The following EXD3 variants were observed in gnomAD, a reference collection of about 807,000 sequenced individuals.
The protein encoded by EXD3 is exonuclease 3'-5' domain containing 3.
In EXD3, 92 loss-of-function variants were observed where a neutral mutation model predicts 98.0. The ratio of observed to expected loss-of-function variants is 0.94; its 90% CI spans 0.79 to 1.12. The LOEUF (loss-of-function observed/expected upper bound fraction) is 1.12. Among genes scored for constraint, EXD3 ranks in the 50% most tolerant of loss-of-function variants. The pLI, the probability that EXD3 is intolerant of heterozygous loss-of-function variation, is 0.00. For missense variants in EXD3, 1,222 were observed against 1,191.6 expected (o/e 1.03, Z -0.38); for synonymous variants, 569 against 526.0 (o/e 1.08, Z -1.12).
rs547372759 is a variant in EXD3, at chr9:137,380,878, T to C, written c.120+2435A>G. On this transcript the variant is annotated intron_variant, in intron 3 of 21. Coordinates refer to ENST00000340951, the MANE Select transcript of EXD3 (RefSeq NM_017820.5). ...ATCTTGGGAAGCCGAGGCAGGTGGATTGCTTGAGGTCAGGAGTTCAAGACC... is the reference window on the plus strand; with the variant it reads ...ATCTTGGGAAGCCGAGGCAGGTGGACTGCTTGAGGTCAGGAGTTCAAGACC... 2.1e-3 allele frequency among the ~76,000 whole-genome samples: 314 copies of C among 149,910 alleles called. 3 individuals are homozygous for C. The highest frequency in any genetic ancestry group is 7.2e-3 in the African/African-American group (294 of 40,596).
intron 8 of EXD3, 79 bp from the exon 9 acceptor site, chr9:137,354,852 G>T: frequency 7.1e-7 from 1 of 1,399,642 alleles, no homozygotes; most frequent in South Asian, 1.3e-5. Flanking sequence ...GCTGGAGACG[G>T]GCAGAGGGGC....
intron 1 of EXD3, among the ~76,000 whole-genome samples, chr9:137,417,606 G>A (rs909792408): frequency 6.6e-6 from 1 of 152,176 alleles, no homozygotes; most frequent in African/African-American, 2.4e-5. Flanking sequence ...TACCCCAGCC[G>A]CGCTGCGCGT....
At chr9:137,333,746 A>G (rs1833216262) in intron 17 of EXD3, among the ~76,000 whole-genome samples, 1 of 152,162 alleles carries the variant, frequency 6.6e-6, no homozygotes, top group African/African-American at 2.4e-5. Context: ...AGCAGATGCC[A>G]GTGATACGGT....
At chr9:137,382,149 C>A (rs1346378379) in intron 3 of EXD3, among the ~76,000 whole-genome samples, 1 of 66,990 alleles carries the variant, frequency 1.5e-5, no homozygotes, top group Non-Finnish European at 2.9e-5. Context: ...GGTGAGGGCG[C>A]GGGGAGGAGG....
chr9:137,382,849 G>T (rs1429196173), intron 3 of EXD3, among the ~76,000 whole-genome samples: 2 of 152,184 alleles, frequency 1.3e-5, no homozygotes, highest in African/African-American at 4.8e-5. Context: ...CCCCACAGGG[G>T]GCCGGCCCTC....
chr9:137,398,790 CCG>C (rs1837344201), intron 1 of EXD3, among the ~76,000 whole-genome samples: 1 of 144,398 alleles, frequency 6.9e-6, no homozygotes, highest in African/African-American at 2.6e-5. Context: ...ACACAGGCAC[CCG>C]CGTCCCCGTG....
chr9:137,342,522 A>G (rs1833699817), intron 17 of EXD3, among the ~76,000 whole-genome samples: 1 of 152,142 alleles, frequency 6.6e-6, no homozygotes. Context: ...TTAGGGACTC[A>G]TTGCCTGAGG....
intron 3 of EXD3, chr9:137,374,938 C>G (rs995760668): frequency 1.2e-6 from 1 of 828,072 alleles, no homozygotes; most frequent in Non-Finnish European, 1.5e-6. Flanking sequence ...CTAGTGAGTT[C>G]TAGCCCTAAT....
chr9:137,348,319 T>C, intron 16 of EXD3, 81 bp from the exon 17 acceptor site: 1 of 1,423,012 alleles, frequency 7.0e-7, no homozygotes, highest in Non-Finnish European at 9.5e-7. Context: ...CCTGAGGCTG[T>C]GTGGCCAGCA....
chr9:137,308,434 G>A (rs900588493), intron 20 of EXD3, among the ~76,000 whole-genome samples: 2 of 151,962 alleles, frequency 1.3e-5, no homozygotes, highest in Non-Finnish European at 2.9e-5. Context: ...TGTCACACTC[G>A]TCAGCCCATC....
rs559805640 is a variant in EXD3, at chr9:137,405,317, C to A, written c.-47-9913G>T. ...CCAGAGCAGGGGCCAGAGCCCCAAC[C>A]CCCGCTGCTTCCCCAACTGCTCCCT... On this transcript the variant is annotated intron_variant, in intron 1 of 21. Transcript: ENST00000340951. The surrounding 1 kb of genome is among the most constrained non-coding windows in gnomAD (Gnocchi z 4.1). Among the ~76,000 whole-genome samples, 9 of 152,354 alleles carry A rather than the reference C, an allele frequency of 5.9e-5. No individual in the cohort carries two copies. The highest frequency in any genetic ancestry group is 2.2e-4 in the African/African-American group (9 of 41,594).
rs769746906 is a variant in EXD3 at position 137,351,019 on chromosome 9, C to T, written c.1494+19G>A. 22 of 1,547,018 alleles carry T rather than the reference C, an allele frequency of 1.4e-5. No individual in the cohort carries two copies. The East Asian group carries it at 1.7e-4, about 12-fold the overall frequency. ...CCAGGCCCACCCGGCATCTTGTGAG[C>T]GGCTCAGTGGGTGCCCACCTGTCTG... is the stretch of plus-strand genomic sequence containing the variant. On this transcript the variant is annotated intron_variant, in intron 14 of 21. Coordinates refer to ENST00000340951, the MANE Select transcript of EXD3 (RefSeq NM_017820.5).
chr9:137,355,589 AAAGGGCGGAAGGAGAAAGGAGG>A (rs1564508677), intron 8 of EXD3, among the ~76,000 whole-genome samples: 184 of 2,008 alleles, frequency 0.092, 8 homozygotes, highest in Admixed American at 0.26. Flanking sequence ...GAGGAAGGAG[AAAGGGCGGAAGGAGAAAGGAGG>A]AAGGAGGAAG....
At chr9:137,362,073 T>A (rs1248799290) in intron 7 of EXD3, among the ~76,000 whole-genome samples, 1 of 151,990 alleles carries the variant, frequency 6.6e-6, no homozygotes, top group East Asian at 1.9e-4. Flanking sequence ...TTAAGGAAAA[T>A]GGTTTTCGGT....
intron 17 of EXD3, among the ~76,000 whole-genome samples, chr9:137,345,203 G>A (rs965986517): frequency 6.6e-6 from 1 of 152,246 alleles, no homozygotes; most frequent in African/African-American, 2.4e-5. Context: ...CACATCCTCT[G>A]GGCTCTCGCC....
At chr9:137,354,011 G>C in intron 10 of EXD3, 1 of 1,153,424 alleles carries the variant, frequency 8.7e-7, no homozygotes. Flanking sequence ...GCCTCGCCCA[G>C]GCGCCTTGCA....
In EXD3 at chr9:137,371,704, C is replaced by T. The variant is rs922023454; in HGVS notation, c.462+1201G>A. Among the ~76,000 whole-genome samples the T allele has an allele frequency of 5.9e-5, 9 of 151,578 alleles. No homozygotes were observed. Among genetic ancestry groups the T allele is most frequent in the African/African-American group, 1.9e-4 (8 of 41,278 alleles). ...GGCCAGGCACCCCCGGGGCTGGGCACCCCCAGGCAGGACACCCCTGGGCCA... is the reference window on the plus strand; with the variant it reads ...GGCCAGGCACCCCCGGGGCTGGGCATCCCCAGGCAGGACACCCCTGGGCCA... On this transcript the variant is annotated intron_variant, in intron 5 of 21. Coordinates refer to ENST00000340951, the MANE Select transcript of EXD3 (RefSeq NM_017820.5). The surrounding 1 kb of genome is among the most constrained non-coding windows in gnomAD (Gnocchi z 8.0).
chr9:137,378,465 C>G (rs1836029337), intron 3 of EXD3, among the ~76,000 whole-genome samples: 1 of 152,220 alleles, frequency 6.6e-6, no homozygotes, highest in Non-Finnish European at 1.5e-5. Context: ...ATCACCTCAG[C>G]CTCCTAAAGT....
chr9:137,398,570 TCCCCAAGACACACAGGCAACCGC>T (rs1239276111), intron 1 of EXD3, among the ~76,000 whole-genome samples: 1 of 147,800 alleles, frequency 6.8e-6, no homozygotes, highest in African/African-American at 2.5e-5. Context: ...GGCAACCGCG[TCCCCAAGACACACAGGCAACCGC>T]GTCCCCAAGA....
Sources: allele counts gnomAD v4.1 joint callset (sites outside exome capture counted in the v4.1 genomes callset), GRCh38; gene constraint gnomAD v4.1.1; non-coding constraint Gnocchi (gnomAD v3.1); transcripts MANE v1.5; gene names NCBI Gene and HGNC (gene_info 2026-07-23, HGNC 2026-07-21).